Variants in SYNE2 observed in about 807,000 individuals in gnomAD.
SYNE2 encodes the protein spectrin repeat containing nuclear envelope protein 2.
SYNE2 carries 431 observed loss-of-function variants against 856.3 expected under a neutral mutation model. The observed-to-expected ratio is 0.50, with a 90% CI of 0.47 to 0.55. SYNE2 has a LOEUF of 0.55. Among genes scored for constraint, SYNE2 ranks in the 20% least tolerant of loss-of-function variants. The probability of loss-of-function intolerance (pLI) is 0.00; values close to 1 mark genes in which losing one functional copy is unlikely to be tolerated. For synonymous variants in SYNE2, 2,923 were observed against 2,872.3 expected, an observed-to-expected ratio of 1.02 and a Z score of -0.56; for missense variants, 8,129 against 8,023.2, an observed-to-expected ratio of 1.01 and a Z score of -0.50.
chr14:64,122,541 T>C (rs1272732664), intron 70 of SYNE2, 114 bp downstream of exon 70: 4 of 1,371,338 alleles, frequency 2.9e-6, no homozygotes, highest in Non-Finnish European at 4.1e-6. Context: ...GTGAGTTTTT[T>C]ACTTGGCTGA....
chr14:63,974,901 T>TATATATATATATAC (rs2096528378), intron 11 of SYNE2, among the ~76,000 whole-genome samples: 1 of 40,326 alleles, frequency 2.5e-5, no homozygotes, highest in Admixed American at 2.3e-4. Flanking sequence ...TGTATATATA[T>TATATATATATATAC]ATATATATAT....
chr14:64,069,726 G>C (rs1170107383), intron 51 of SYNE2, among the ~76,000 whole-genome samples: 1 of 152,168 alleles, frequency 6.6e-6, no homozygotes, highest in Non-Finnish European at 1.5e-5. Context: ...CATGCCCCAG[G>C]CCACTAGACC....
intron 1 of SYNE2, among the ~76,000 whole-genome samples, chr14:63,784,965 G>A (rs61985718): frequency 0.41 from 62,713 of 151,746 alleles, 14,630 homozygotes; most frequent in South Asian, 0.55. Flanking sequence ...GGGGGGTGAG[G>A]GGTGTTGTAT....
Position 64,141,910 on chromosome 14 carries a change from G to C in SYNE2, c.15160-32G>C, listed in dbSNP as rs200847610. ...CTCTGATTCATTTTGTTAACTGCAGGCAATTAAATGGAAATCATTTTGTTC... is the reference window on the plus strand; with the variant it reads ...CTCTGATTCATTTTGTTAACTGCAGCCAATTAAATGGAAATCATTTTGTTC... On this transcript the variant is annotated intron_variant, in intron 81 of 115. Coordinates refer to ENST00000555002, the MANE Select transcript of SYNE2 (RefSeq NM_182914.3). 9.3e-6 allele frequency: 15 copies of C among 1,612,280 alleles called. 1 individual carries two copies. The highest frequency in any genetic ancestry group is 3.3e-4 in the Middle Eastern group (2 of 6,060).
intron 96 of SYNE2, among the ~76,000 whole-genome samples, chr14:64,184,573 C>T (rs1305375006): frequency 1.3e-5 from 2 of 152,150 alleles, no homozygotes; most frequent in African/African-American, 2.4e-5. Flanking sequence ...CTTCCTGCCA[C>T]CTGACTGGGA....
chr14:64,077,748 C>T (rs946863505), intron 54 of SYNE2, among the ~76,000 whole-genome samples: 4 of 152,036 alleles, frequency 2.6e-5, no homozygotes, highest in African/African-American at 9.7e-5. Flanking sequence ...CAAGAACACA[C>T]ATCAGTCAGG....
intron 21 of SYNE2, among the ~76,000 whole-genome samples, chr14:63,993,004 T>A (rs2096681364): frequency 6.6e-6 from 1 of 152,212 alleles, no homozygotes; most frequent in African/African-American, 2.4e-5. Flanking sequence ...CGACCTGTTT[T>A]TTTGTTCTGT....
chr14:63,784,528 A>G (rs1887441249), intron 1 of SYNE2, among the ~76,000 whole-genome samples: 1 of 138,804 alleles, frequency 7.2e-6, no homozygotes, highest in South Asian at 2.4e-4. Context: ...CAAACAAACA[A>G]TTTTTGTTTG....
At chr14:63,769,891 C>A (rs1886838954) in intron 1 of SYNE2, among the ~76,000 whole-genome samples, 1 of 151,670 alleles carries the variant, frequency 6.6e-6, no homozygotes, top group Non-Finnish European at 1.5e-5. Flanking sequence ...AGAGCCAGAT[C>A]CTGTCTCAAA....
chr14:64,165,029 A>G (rs2098364893), intron 89 of SYNE2, among the ~76,000 whole-genome samples: 1 of 151,926 alleles, frequency 6.6e-6, no homozygotes, highest in Non-Finnish European at 1.5e-5. Flanking sequence ...CTGGGACCAC[A>G]GGCTCACACC....
intron 1 of SYNE2, among the ~76,000 whole-genome samples, chr14:63,867,721 AAGAATGAAAG>A (rs1244889481): frequency 3.5e-5 from 2 of 57,298 alleles, no homozygotes; most frequent in Non-Finnish European, 1.2e-4. Flanking sequence ...AAAGAATAAA[AAGAATGAAAG>A]AATGAAAGAA....
intron 64 of SYNE2, among the ~76,000 whole-genome samples, chr14:64,103,812 G>A (rs539779546): frequency 6.6e-6 from 1 of 152,200 alleles, no homozygotes; most frequent in Admixed American, 6.5e-5. Context: ...TTGGTCCCTG[G>A]GATGCCCTTT....
intron 58 of SYNE2, 90 bp from the exon 59 acceptor site, chr14:64,089,484 A>G: frequency 7.4e-7 from 1 of 1,351,692 alleles, no homozygotes; most frequent in Non-Finnish European, 1.0e-6. Flanking sequence ...ATTTGGCTAA[A>G]TAAGAGAATA....
chr14:63,768,214 C>T (rs562327888), intron 1 of SYNE2, among the ~76,000 whole-genome samples: 3 of 151,844 alleles, frequency 2.0e-5, no homozygotes, highest in Non-Finnish European at 4.4e-5. Flanking sequence ...TGTATGATTA[C>T]ACACGCAAAC....
chr14:64,130,650 T>C (rs75318883), intron 76 of SYNE2, among the ~76,000 whole-genome samples: 3,432 of 152,168 alleles, frequency 0.023, 44 homozygotes, highest in African/African-American at 0.037. Context: ...TTTGGGAGGC[T>C]GAGGCGGGTG....
intron 45 of SYNE2, among the ~76,000 whole-genome samples, chr14:64,046,943 C>T (rs925477733): frequency 1.1e-4 from 17 of 152,220 alleles, no homozygotes; most frequent in Non-Finnish European, 2.4e-4. Flanking sequence ...TCCTTTAGTT[C>T]TGCTGTCTGC....
At chr14:63,866,193 T>A (rs962806116) in intron 1 of SYNE2, among the ~76,000 whole-genome samples, 27 of 152,216 alleles carry the variant, frequency 1.8e-4, no homozygotes, top group African/African-American at 6.5e-4. Context: ...AAAAATGTCT[T>A]ATGCATTCCA....
intron 1 of SYNE2, among the ~76,000 whole-genome samples, chr14:63,896,481 T>A (rs2095254725): frequency 6.6e-6 from 1 of 152,224 alleles, no homozygotes; most frequent in Non-Finnish European, 1.5e-5. Context: ...TTTCAGGCAT[T>A]CCTCTATGAA....
intron 1 of SYNE2, among the ~76,000 whole-genome samples, chr14:63,801,049 G>T (rs756326866): frequency 2.6e-5 from 4 of 152,082 alleles, no homozygotes; most frequent in Non-Finnish European, 4.4e-5. Flanking sequence ...TTCTTTCCCT[G>T]TTGTATTTAT....
Sources: gnomAD v4.1 joint callset for allele counts (sites outside exome capture counted in the v4.1 genomes callset) on GRCh38, gnomAD v4.1.1 for gene constraint, MANE v1.5 for transcripts, NCBI Gene and HGNC (gene_info 2026-07-23, HGNC 2026-07-21) for gene names.